The following FGF14 variants were observed in gnomAD, a reference collection of about 807,000 sequenced individuals.
FGF14 encodes fibroblast growth factor homologous factor 4.
In FGF14, 5 loss-of-function variants were observed where a neutral mutation model predicts 25.5. The ratio of observed to expected loss-of-function variants is 0.20; its 90% CI spans 0.10 to 0.41. The LOEUF (loss-of-function observed/expected upper bound fraction) is 0.41. Ranked by LOEUF, FGF14 falls within the 10% of genes least tolerant of loss-of-function variation. The pLI, the probability that FGF14 is intolerant of heterozygous loss-of-function variation, is 1.00. For missense variants in FGF14, 222 were observed against 320.1 expected (o/e 0.69, Z 2.34); for synonymous variants, 138 against 118.3 (o/e 1.17, Z -1.08).
intron 1 of FGF14, among the ~76,000 whole-genome samples, chr13:102,371,846 A>G (rs1400192655): frequency 6.6e-6 from 1 of 152,226 alleles, no homozygotes; most frequent in African/African-American, 2.4e-5. Flanking sequence ...TAAAATGTAC[A>G]TAACAAGCTT....
chr13:102,173,020 T>A (rs1685279183), intron 1 of FGF14, among the ~76,000 whole-genome samples: 1 of 152,200 alleles, frequency 6.6e-6, no homozygotes, highest in South Asian at 2.1e-4. Context: ...CAAATGGGCA[T>A]ATCAGCTTAT....
chr13:101,821,073 C>T (rs1367655901), intron 3 of FGF14, among the ~76,000 whole-genome samples: 5 of 148,632 alleles, frequency 3.4e-5, no homozygotes, highest in Non-Finnish European at 7.5e-5. Flanking sequence ...CTCAGCCTCC[C>T]AAGTAGCTGG....
In FGF14 at chr13:102,126,225, C is replaced by T. The variant is rs528073046; in HGVS notation, c.209-250929G>A. The stretch of plus-strand genomic sequence containing the variant: ...ACCCATTAAGCAAGAACTCCCATTT[C>T]CTCCCTCTCCTTTGCTACTGATCAT... On this transcript the variant is annotated intron_variant, in intron 1 of 4. Coordinates refer to the FGF14 transcript ENST00000376131. Among the ~76,000 whole-genome samples the T allele has an allele frequency of 2.0e-5, 3 of 152,264 alleles. No homozygotes were observed. In the South Asian group the frequency reaches 6.2e-4, roughly 32 times the overall value.
intron 1 of FGF14, among the ~76,000 whole-genome samples, chr13:102,178,748 C>T (rs1395744777): frequency 6.6e-6 from 1 of 151,972 alleles, no homozygotes; most frequent in African/African-American, 2.4e-5. Flanking sequence ...GAGTAGTAAT[C>T]TATCGTATGT....
At chr13:101,953,944 T>G (rs144218742) in intron 1 of FGF14, among the ~76,000 whole-genome samples, 202 of 152,246 alleles carry the variant, frequency 1.3e-3, no homozygotes, top group African/African-American at 4.6e-3. Context: ...AAAGCATCCA[T>G]CACCCTCTGT....
At chr13:102,300,534 C>A (rs1465739360) in intron 1 of FGF14, among the ~76,000 whole-genome samples, 2 of 152,124 alleles carry the variant, frequency 1.3e-5, no homozygotes, top group African/African-American at 2.4e-5. Context: ...AAAACTTCTA[C>A]ATAATCTTCT....
At position 101,882,802 on chromosome 13, in the gene FGF14, G is replaced by A. The variant is rs564954049; in HGVS notation, c.194-7506C>T. 9.3e-4 allele frequency among the ~76,000 whole-genome samples: 142 copies of A among 152,252 alleles called. 1 individual carries two copies. Among genetic ancestry groups the A allele is most frequent in the African/African-American group, 3.3e-3 (138 of 41,568 alleles). ...AATGGGTAGATAGTTGGAAATGATA[G>A]TGATAAACACTTTAAAGCTACTTCC... On this transcript the variant is annotated intron_variant, in intron 1 of 4. Coordinates refer to ENST00000376143, the MANE Select transcript of FGF14 (RefSeq NM_004115.4).
chr13:101,894,726 T>C (rs1373432193), intron 1 of FGF14, among the ~76,000 whole-genome samples: 1 of 152,148 alleles, frequency 6.6e-6, no homozygotes, highest in Non-Finnish European at 1.5e-5. Flanking sequence ...ATAATAAGAT[T>C]TTCCTTTACT....
chr13:102,345,620 T>C (rs761827581), intron 1 of FGF14, among the ~76,000 whole-genome samples: 1 of 152,250 alleles, frequency 6.6e-6, no homozygotes, highest in Non-Finnish European at 1.5e-5. Flanking sequence ...CTAGAAGAGT[T>C]AGCATCTTCA....
intron 3 of FGF14, among the ~76,000 whole-genome samples, chr13:101,827,282 A>G (rs1408738052): frequency 4.6e-5 from 7 of 152,108 alleles, no homozygotes; most frequent in Non-Finnish European, 8.8e-5. Flanking sequence ...TATATTTACA[A>G]TGCACATAGC....
intron 3 of FGF14, among the ~76,000 whole-genome samples, chr13:101,835,574 T>C (rs1430505592): frequency 6.6e-6 from 1 of 151,848 alleles, no homozygotes; most frequent in African/African-American, 2.4e-5. Context: ...ATATCAAGGG[T>C]AAAATAGGCA....
chr13:101,980,900 G>T (rs569995676), intron 1 of FGF14, among the ~76,000 whole-genome samples: 16 of 152,240 alleles, frequency 1.1e-4, no homozygotes, highest in African/African-American at 3.9e-4. Context: ...AGGTAGAGTC[G>T]TTAAGAGGTG....
At chr13:102,293,775 C>T (rs1362685363) in intron 1 of FGF14, 1 of 151,986 alleles carries the variant, frequency 6.6e-6, no homozygotes, top group Non-Finnish European at 1.5e-5. Context: ...GTATAATAAG[C>T]AAAGAAGAAA....
chr13:102,243,960 C>G (rs1393700996), intron 1 of FGF14, among the ~76,000 whole-genome samples: 4 of 152,016 alleles, frequency 2.6e-5, no homozygotes, highest in Non-Finnish European at 5.9e-5. Flanking sequence ...AGCAGATGCT[C>G]TGAAGCATCT....
At chr13:102,245,203 CACAG>C (rs1237388380) in intron 1 of FGF14, among the ~76,000 whole-genome samples, 1 of 152,058 alleles carries the variant, frequency 6.6e-6, no homozygotes, top group East Asian at 1.9e-4. Flanking sequence ...AGACAAGGTA[CACAG>C]ACAGCCTCTC....
intron 1 of FGF14, among the ~76,000 whole-genome samples, chr13:101,988,355 T>C (rs996630084): frequency 1.3e-5 from 2 of 151,902 alleles, no homozygotes; most frequent in Non-Finnish European, 2.9e-5. Context: ...GCTAGCACCA[T>C]GGATAGCGCT....
chr13:101,977,033 A>C (rs776365172), intron 1 of FGF14, among the ~76,000 whole-genome samples: 4 of 152,214 alleles, frequency 2.6e-5, no homozygotes, highest in Non-Finnish European at 5.9e-5. Flanking sequence ...ATTGTCAGTT[A>C]CATTTGATAT....
intron 3 of FGF14, among the ~76,000 whole-genome samples, chr13:101,753,294 GACAGACACACACACACACACACACACAC>G (rs1298284950): frequency 1.1e-4 from 11 of 98,182 alleles, no homozygotes; most frequent in African/African-American, 3.9e-4. Context: ...GACACACACA[GACAGACACACACACACACACACACACAC>G]ACACACACGG....
At chr13:102,268,307 TA>T (rs564844562) in intron 1 of FGF14, among the ~76,000 whole-genome samples, 2 of 151,992 alleles carry the variant, frequency 1.3e-5, no homozygotes, top group Admixed American at 1.3e-4. Flanking sequence ...AATGTGTAGT[TA>T]AAAAAAACTT....
Sources: allele counts gnomAD v4.1 joint callset (sites outside exome capture counted in the v4.1 genomes callset), GRCh38; gene constraint gnomAD v4.1.1; transcripts MANE v1.5; gene names NCBI Gene and HGNC (gene_info 2026-07-23, HGNC 2026-07-21).